FGF9: variants seen among roughly 807,000 people sequenced by gnomAD.
FGF9 encodes the protein fibroblast growth factor 9.
In FGF9, 3 loss-of-function variants were observed where a neutral mutation model predicts 19.9. The observed-to-expected ratio is 0.15, with a 90% CI of 0.07 to 0.39. FGF9 has a LOEUF of 0.39. FGF9 is among the 10% of genes least tolerant of loss of function. The probability of loss-of-function intolerance (pLI) is 1.00; values close to 1 mark genes in which losing one functional copy is unlikely to be tolerated. For missense variants in FGF9, 175 were observed against 256.8 expected, an observed-to-expected ratio of 0.68 and a Z score of 2.18; for synonymous variants, 107 against 106.9, an observed-to-expected ratio of 1.00 and a Z score of -0.01.
chr13:21,671,140 C>T lies in FGF9; in HGVS notation c.-773C>T, dbSNP rs1012670935. The stretch of plus-strand genomic sequence containing the variant: ...CGCCCGGCTACAACGCTCCGCGAGC[C>T]GGCGCGGCAACACCTGTTCGCGGCA... On this transcript the variant is annotated 5_prime_UTR_variant, in exon 1 of 3. Transcript: ENST00000382353. Among the ~76,000 whole-genome samples the T allele has an allele frequency of 1.3e-5, 2 of 152,196 alleles. No individual in the cohort carries two copies. Among genetic ancestry groups the T allele is most frequent in the Admixed American group, 6.5e-5 (1 of 15,288 alleles).
chr13:21,696,377 A>G (rs979583871), intron 2 of FGF9, among the ~76,000 whole-genome samples: 1 of 152,214 alleles, frequency 6.6e-6, no homozygotes, highest in African/African-American at 2.4e-5. Flanking sequence ...TTTGAATTAA[A>G]TCCACATTCT....
chr13:21,693,048 C>T (rs147893655), intron 2 of FGF9, among the ~76,000 whole-genome samples: 29 of 152,252 alleles, frequency 1.9e-4, no homozygotes, highest in East Asian at 3.9e-4. Context: ...TCATCAGAGA[C>T]GGTCTCTCAG....
At position 21,671,929 on chromosome 13, in the gene FGF9, A is replaced by C; in HGVS notation, c.17A>C (p.Glu6Ala). The C allele has an allele frequency of 6.2e-7, 1 of 1,614,114 alleles. No individual in the cohort carries two copies. Among genetic ancestry groups the C allele is most frequent in the Non-Finnish European group, 8.5e-7 (1 of 1,180,024 alleles). MAPLG[E>A]VGNYFGVQDA... The stretch of plus-strand genomic sequence containing the variant: ...AGTCCTCTGATGGCTCCCTTAGGTG[A>C]AGTTGGGAACTATTTCGGTGTGCAG... The change falls in exon 1 of 3, where the codon GAA becomes GCA. Residue 6 changes from glutamate (E) to alanine (A), a missense_variant. Glu to Ala is a moderately radical substitution (Grantham distance 107, BLOSUM62 -1). Coordinates refer to ENST00000382353, the MANE Select transcript of FGF9 (RefSeq NM_002010.3).
chr13:21,671,950 T>G lies in FGF9; in HGVS notation c.38T>G (p.Val13Gly), dbSNP rs182718810. The G allele has an allele frequency of 6.2e-7, 1 of 1,614,216 alleles. No homozygotes were observed. The highest frequency in any genetic ancestry group is 8.5e-7 in the Non-Finnish European group (1 of 1,180,038). The change falls in exon 1 of 3, where the codon GTG (valine) becomes GGG (glycine). Residue 13 changes from valine (V) to glycine (G), a missense_variant. Physicochemically the swap from Val to Gly is moderately radical, Grantham distance 109 (BLOSUM62 -3). Around this residue, in one of 3 missense-constraint regions of FGF9, gnomAD observed 69 missense variants for 73.6 expected, o/e 0.94. Coordinates refer to ENST00000382353, the MANE Select transcript of FGF9 (RefSeq NM_002010.3). ...PLGEVGNYFG[V>G]QDAVPFGNVP... ...GGTGAAGTTGGGAACTATTTCGGTG[T>G]GCAGGATGCGGTACCGTTTGGGAAT... is the stretch of plus-strand genomic sequence containing the variant.
At chr13:21,676,541 A>G (rs1054549471) in intron 1 of FGF9, among the ~76,000 whole-genome samples, 7 of 152,180 alleles carry the variant, frequency 4.6e-5, no homozygotes, top group African/African-American at 1.4e-4. Context: ...TATAAACTCT[A>G]TGAGATGTGC....
At position 21,671,859 on chromosome 13, in the gene FGF9, G is replaced by C. The variant is rs1354679737; in HGVS notation, c.-54G>C. The C allele has an allele frequency of 6.2e-7, 1 of 1,607,554 alleles. No homozygotes were observed. Among genetic ancestry groups the C allele is most frequent in the Non-Finnish European group, 8.5e-7 (1 of 1,174,254 alleles). On this transcript the variant is annotated 5_prime_UTR_variant, in exon 1 of 3. Coordinates refer to ENST00000382353, the MANE Select transcript of FGF9 (RefSeq NM_002010.3). ...GGATATACCTCGCCTAATATCTCCT[G>C]GGTTGACACCATCATTATTGTTTAT...
chr13:21,698,697 T>C (rs567787922), intron 2 of FGF9, among the ~76,000 whole-genome samples: 5 of 152,178 alleles, frequency 3.3e-5, no homozygotes, highest in Non-Finnish European at 7.3e-5. Flanking sequence ...AGAGGAAATA[T>C]AAGCTAGCAC....
intron 1 of FGF9, 49 bp from the exon 2 acceptor site, chr13:21,680,993 C>T (rs1872030605): frequency 7.1e-7 from 1 of 1,409,988 alleles, no homozygotes; most frequent in African/African-American, 1.4e-5. Flanking sequence ...ACTCTAAGGA[C>T]ATGCTCTGTG....
At chr13:21,698,419 T>C (rs995407986) in intron 2 of FGF9, among the ~76,000 whole-genome samples, 3 of 152,234 alleles carry the variant, frequency 2.0e-5, no homozygotes, top group Non-Finnish European at 4.4e-5. Context: ...TGTTCAGCAC[T>C]GCTCTCTGAT....
chr13:21,674,707 AT>A (rs528643891), intron 1 of FGF9, among the ~76,000 whole-genome samples: 601 of 141,518 alleles, frequency 4.2e-3, no homozygotes, highest in Non-Finnish European at 4.1e-3. Flanking sequence ...CTCCATGAGC[AT>A]TTTTTTTTTT....
chr13:21,695,606 G>A lies in FGF9; in HGVS notation c.382-5584G>A, dbSNP rs548279171. 4.6e-5 allele frequency among the ~76,000 whole-genome samples: 7 copies of A among 152,054 alleles called. No individual in the cohort carries two copies. The South Asian group carries it at 6.2e-4, about 14-fold the overall frequency. ...TGAAAAGACCTGGCTTCTTATTAAC[G>A]GTCCTTTAGTCATTATATTTAATCA... On this transcript the variant is annotated intron_variant, in intron 2 of 2. Coordinates refer to ENST00000382353, the MANE Select transcript of FGF9 (RefSeq NM_002010.3).
At chr13:21,680,972 G>A in intron 1 of FGF9, 70 bp from the exon 2 acceptor site, 1 of 1,200,060 alleles carries the variant, frequency 8.3e-7, no homozygotes, top group Non-Finnish European at 1.2e-6. Context: ...CAAAACCCCA[G>A]GGATGCTGGG....
chr13:21,675,896 G>A (rs929799641), intron 1 of FGF9, among the ~76,000 whole-genome samples: 10 of 151,426 alleles, frequency 6.6e-5, no homozygotes. Context: ...CTGCAGAGGT[G>A]ACAACTTAGG....
rs1871771883 is a variant in FGF9 at position 21,671,779 on chromosome 13, G to T, written c.-134G>T. On this transcript the variant is annotated 5_prime_UTR_variant, in exon 1 of 3. Transcript: ENST00000382353. ...TTATTTATGCATTTAATGGATTGAAGAAAAGAACCTTTTTTTTCTCTCTCT... is the reference window on the plus strand; with the variant it reads ...TTATTTATGCATTTAATGGATTGAATAAAAGAACCTTTTTTTTCTCTCTCT... 4 of 1,059,300 alleles carry T rather than the reference G, an allele frequency of 3.8e-6. No individual in the cohort carries two copies. The highest frequency in any genetic ancestry group is 4.0e-5 in the Admixed American group (2 of 49,598). The allele number at this position is 1,059,300 out of a possible 1,614,324, so 65.6% of individuals were successfully genotyped here. A position where few individuals can be genotyped will look rare whatever the true frequency, so the allele number is the denominator to read the frequency against.
chr13:21,675,270 C>A (rs1359981526), intron 1 of FGF9, among the ~76,000 whole-genome samples: 1 of 152,042 alleles, frequency 6.6e-6, no homozygotes, highest in East Asian at 1.9e-4. Flanking sequence ...TTATTTAAGT[C>A]TTTCATCCGG....
intron 1 of FGF9, among the ~76,000 whole-genome samples, 190 bp from the exon 2 acceptor site, chr13:21,680,852 A>G (rs905076011): frequency 6.6e-6 from 1 of 152,222 alleles, no homozygotes; most frequent in Non-Finnish European, 1.5e-5. Flanking sequence ...TTATGATAAG[A>G]TAGAATTTAG....
chr13:21,691,125 T>C lies in FGF9; in HGVS notation c.381+9980T>C, dbSNP rs561196596. Reference sequence around the variant, plus strand: ...TGGTTCAGTATTCTAGGAGACTTTATAGAACTTAACTACCTCAAATAAGGA... The same window carrying C: ...TGGTTCAGTATTCTAGGAGACTTTACAGAACTTAACTACCTCAAATAAGGA... On this transcript the variant is annotated intron_variant, in intron 2 of 2. Coordinates refer to ENST00000382353, the MANE Select transcript of FGF9 (RefSeq NM_002010.3). This position sits in a 1 kb window ranked among gnomAD's most constrained non-coding sequence, Gnocchi z 4.2. Among the ~76,000 whole-genome samples the C allele has an allele frequency of 4.6e-5, 7 of 152,330 alleles. No homozygotes were observed. Among genetic ancestry groups the C allele is most frequent in the African/African-American group, 1.7e-4 (7 of 41,574 alleles).
intron 2 of FGF9, among the ~76,000 whole-genome samples, chr13:21,682,210 G>A (rs771270158): frequency 2.6e-5 from 4 of 151,628 alleles, no homozygotes; most frequent in East Asian, 1.9e-4. Flanking sequence ...ACAAGGTCAC[G>A]CTATGTTGCT....
intron 2 of FGF9, among the ~76,000 whole-genome samples, chr13:21,694,925 A>G (rs189595597): frequency 4.8e-4 from 73 of 152,352 alleles, no homozygotes; most frequent in Non-Finnish European, 8.8e-4. Flanking sequence ...ATGATTTGCT[A>G]AACAAACATT....
Sources: gnomAD v4.1 joint callset for allele counts (sites outside exome capture counted in the v4.1 genomes callset) on GRCh38, gnomAD v4.1.1 for gene constraint, gnomAD v4.1.1 regional missense constraint, Gnocchi (gnomAD v3.1) non-coding constraint, MANE v1.5 for transcripts, NCBI Gene and HGNC (gene_info 2026-07-23, HGNC 2026-07-21) for gene names.